METAP1D: variants seen among roughly 807,000 people sequenced by gnomAD.
The protein encoded by METAP1D is methionine aminopeptidase 1D, mitochondrial.
In METAP1D, 31 loss-of-function variants were observed where a neutral mutation model predicts 40.5. That is an observed-to-expected ratio of 0.77 (90% CI 0.58 to 1.03). METAP1D has a LOEUF of 1.03. METAP1D is among the 50% of genes least tolerant of loss of function. METAP1D has a pLI of 0.00. For synonymous variants in METAP1D, 151 were observed against 146.4 expected (o/e 1.03, Z -0.22); for missense variants, 411 against 420.7 (o/e 0.98, Z 0.20).
intron 1 of METAP1D, 101 bp from the exon 2 acceptor site, chr2:172,061,397 G>A: frequency 9.7e-7 from 1 of 1,034,276 alleles, no homozygotes. Context: ...AGTCAATAAG[G>A]TATTAGAATA....
chr2:172,019,072 C>G (rs542078805), intron 1 of METAP1D, among the ~76,000 whole-genome samples: 1 of 152,272 alleles, frequency 6.6e-6, no homozygotes, highest in South Asian at 2.1e-4. Context: ...AAGAAAGAAG[C>G]CAGGCGCAGT....
chr2:172,015,523 C>T (rs1452205012), intron 1 of METAP1D, among the ~76,000 whole-genome samples: 1 of 152,130 alleles, frequency 6.6e-6, no homozygotes, highest in Non-Finnish European at 1.5e-5. Flanking sequence ...TCTAAATGTC[C>T]AATAAAATAG....
intron 1 of METAP1D, among the ~76,000 whole-genome samples, chr2:172,017,984 G>A (rs1052231687): frequency 2.6e-5 from 4 of 151,828 alleles, no homozygotes; most frequent in Admixed American, 1.3e-4. Context: ...AAAATTAGCC[G>A]AGTGTGGTGG....
At chr2:172,045,667 A>G (rs1332649033) in intron 1 of METAP1D, among the ~76,000 whole-genome samples, 14 of 141,846 alleles carry the variant, frequency 9.9e-5, no homozygotes, top group African/African-American at 3.6e-4. Context: ...GTCTCAGGAA[A>G]AAAAAAAAAA....
chr2:172,034,285 T>C (rs1428513159), intron 1 of METAP1D, among the ~76,000 whole-genome samples: 1 of 152,154 alleles, frequency 6.6e-6, no homozygotes, highest in Non-Finnish European at 1.5e-5. Flanking sequence ...TCTACTTTTG[T>C]GTGTTTTTGA....
rs190585800 is a variant in METAP1D at position 172,045,840 on chromosome 2, T to C, written c.41-15658T>C. ...GTGTGTATATATATATATATATATA[T>C]ATATATATATATATATATATATATG... On this transcript the variant is annotated intron_variant, in intron 1 of 9. Coordinates refer to ENST00000315796, the MANE Select transcript of METAP1D (RefSeq NM_199227.3). Among the ~76,000 whole-genome samples the C allele has an allele frequency of 9.2e-3, 915 of 99,104 alleles. 46 individuals carry two copies. Among genetic ancestry groups the C allele is most frequent in the East Asian group, 0.072 (280 of 3,886 alleles). The allele number at this position is 99,104 out of a possible 152,430, so 65.0% of individuals were successfully genotyped here. A position where few individuals can be genotyped will look rare whatever the true frequency, so the allele number is the denominator to read the frequency against.
intron 1 of METAP1D, among the ~76,000 whole-genome samples, chr2:172,011,701 C>T (rs1314139096): frequency 3.9e-5 from 6 of 152,182 alleles, no homozygotes; most frequent in Non-Finnish European, 8.8e-5. Flanking sequence ...CATGGTTCAT[C>T]CCTATTGTGG....
At chr2:172,032,360 A>T (rs561014966) in intron 1 of METAP1D, among the ~76,000 whole-genome samples, 9 of 152,326 alleles carry the variant, frequency 5.9e-5, no homozygotes, top group African/African-American at 2.2e-4. Context: ...ATTATGTTTC[A>T]CTTGACTCAA....
intron 1 of METAP1D, among the ~76,000 whole-genome samples, chr2:172,028,596 T>G (rs1241181179): frequency 7.1e-6 from 1 of 140,622 alleles, no homozygotes; most frequent in South Asian, 2.3e-4. Flanking sequence ...GTGTGTGTGT[T>G]TTCTTAGTGG....
rs1242533578 is a variant in METAP1D at position 172,025,326 on chromosome 2, A to AATT, written c.40+25333_40+25335dup. ...TTTTTAGCTTTTTGTTATGGAAAAAAATTATTATTATTATTATTTTGAGAC... is the reference window on the plus strand; with the variant it reads ...TTTTTAGCTTTTTGTTATGGAAAAAAATTATTATTATTATTATTATTTTGAGAC... On this transcript the variant is annotated intron_variant, in intron 1 of 9. Coordinates refer to ENST00000315796, the MANE Select transcript of METAP1D (RefSeq NM_199227.3). Among the ~76,000 whole-genome samples, 6 of 151,820 alleles carry AATT rather than the reference A, an allele frequency of 4.0e-5. No individual in the cohort carries two copies. The South Asian group carries it at 8.3e-4, about 21-fold the overall frequency.
rs1688593425 is a variant in METAP1D at position 172,006,638 on chromosome 2, G to A, written c.40+6629G>A. ...TTTGAACAACATCTAGTTTTAAGCT[G>A]AAACAGCTTGTTTTTACGGAGACTG... On this transcript the variant is annotated intron_variant, in intron 1 of 9. Coordinates refer to ENST00000315796, the MANE Select transcript of METAP1D (RefSeq NM_199227.3). Among the ~76,000 whole-genome samples the A allele has an allele frequency of 1.3e-5, 2 of 152,194 alleles. 1 individual carries two copies. The highest frequency in any genetic ancestry group is 4.1e-4 in the South Asian group (2 of 4,834).
At chr2:172,061,734 C>T (rs1690148627) in intron 2 of METAP1D, 79 bp downstream of exon 2, 4 of 1,268,898 alleles carry the variant, frequency 3.2e-6, no homozygotes, top group South Asian at 4.4e-5. Context: ...TATTTTTGCA[C>T]CTTTGATTTC....
At chr2:172,043,324 A>T (rs1352542767) in intron 1 of METAP1D, among the ~76,000 whole-genome samples, 1 of 132,520 alleles carries the variant, frequency 7.5e-6, no homozygotes, top group African/African-American at 2.5e-5. Context: ...CTGTTAGTTT[A>T]TCCAGTCAGG....
chr2:172,071,826 C>T (rs1690427489), intron 6 of METAP1D, among the ~76,000 whole-genome samples: 1 of 152,114 alleles, frequency 6.6e-6, no homozygotes, highest in African/African-American at 2.4e-5. Context: ...GTACTGTTCT[C>T]ATTAATATGA....
intron 2 of METAP1D, among the ~76,000 whole-genome samples, chr2:172,063,189 T>A (rs570557535): frequency 1.1e-4 from 16 of 152,340 alleles, no homozygotes; most frequent in African/African-American, 3.6e-4. Context: ...TCAGTGTAAG[T>A]ACGGTTGCAA....
At chr2:172,062,620 T>C (rs764029438) in intron 2 of METAP1D, among the ~76,000 whole-genome samples, 5 of 151,852 alleles carry the variant, frequency 3.3e-5, no homozygotes, top group Non-Finnish European at 7.4e-5. Context: ...CACAGGCTCT[T>C]TGGGGGAGAC....
chr2:172,060,096 A>G (rs1308150612), intron 1 of METAP1D, among the ~76,000 whole-genome samples: 1 of 150,970 alleles, frequency 6.6e-6, no homozygotes, highest in East Asian at 2.3e-4. Flanking sequence ...AGATTGTTCT[A>G]AATATGAAAG....
chr2:172,065,215 A>G (rs1489207670), intron 3 of METAP1D, among the ~76,000 whole-genome samples: 2 of 152,180 alleles, frequency 1.3e-5, no homozygotes, highest in African/African-American at 4.8e-5. Context: ...CAACTGATGA[A>G]CCTTTTGAGC....
At chr2:172,063,363 G>A (rs1690178435) in intron 2 of METAP1D, among the ~76,000 whole-genome samples, 1 of 152,330 alleles carries the variant, frequency 6.6e-6, no homozygotes, top group African/African-American at 2.4e-5. Context: ...TGAATTGGAA[G>A]CTTGGTGCTA....
Sources: allele counts gnomAD v4.1 joint callset (sites outside exome capture counted in the v4.1 genomes callset), GRCh38; gene constraint gnomAD v4.1.1; transcripts MANE v1.5; gene names NCBI Gene and HGNC (gene_info 2026-07-23, HGNC 2026-07-21).